Variants in NFIB observed in about 807,000 individuals in gnomAD.
NFIB encodes the protein nuclear factor 1 B-type.
NFIB carries 11 observed loss-of-function variants against 61.5 expected under a neutral mutation model. The observed-to-expected ratio is 0.18, with a 90% CI of 0.11 to 0.30. The LOEUF is 0.30. Ranked by LOEUF, NFIB falls within the 10% of genes least tolerant of loss-of-function variation. The pLI is 1.00. For missense variants in NFIB, 471 were observed against 608.9 expected (o/e 0.77, Z 2.38); for synonymous variants, 260 against 216.5 (o/e 1.20, Z -1.76).
intron 10 of NFIB, among the ~76,000 whole-genome samples, chr9:14,094,981 T>C (rs1392760180): frequency 6.6e-6 from 1 of 152,102 alleles, no homozygotes; most frequent in African/African-American, 2.4e-5. Context: ...GCATCTACCA[T>C]TGAAATATTT....
the NFIB span, among the ~76,000 whole-genome samples, chr9:14,489,978 G>A: frequency 3.3e-5 from 5 of 152,180 alleles, no homozygotes; most frequent in African/African-American, 1.2e-4. Flanking sequence ...CTCAAACAAT[G>A]CTAAAATGAA....
chr9:14,263,012 T>A (rs2056907766), intron 2 of NFIB, among the ~76,000 whole-genome samples: 2 of 152,160 alleles, frequency 1.3e-5, no homozygotes, highest in African/African-American at 2.4e-5. Context: ...TGTGAAACAC[T>A]AGGGGTGCAG....
At position 14,287,720 on chromosome 9, in the gene NFIB, C is replaced by G. The variant is rs539300853; in HGVS notation, c.562+19269G>C. Among the ~76,000 whole-genome samples, 37 of 152,060 alleles carry G rather than the reference C, an allele frequency of 2.4e-4. No individual in the cohort carries two copies. The South Asian group carries it at 7.3e-3, about 30-fold the overall frequency. On this transcript the variant is annotated intron_variant, in intron 2 of 10. Coordinates refer to ENST00000380953, the MANE Select transcript of NFIB (RefSeq NM_001190737.2). ...CAGGCATGAGCCACTGCGCCCGGCC[C>G]ACAGTTTTCATTTTACACTTTTTTC...
chr9:14,352,167 G>A (rs546466222), intron 1 of NFIB, among the ~76,000 whole-genome samples: 5 of 152,100 alleles, frequency 3.3e-5, no homozygotes, highest in South Asian at 2.1e-4. Context: ...GAACACATGC[G>A]TAAATCCAGA....
chr9:14,333,876 A>C (rs2060851078), intron 1 of NFIB, among the ~76,000 whole-genome samples: 1 of 152,216 alleles, frequency 6.6e-6, no homozygotes, highest in Admixed American at 6.5e-5. Flanking sequence ...TACTAGCCCT[A>C]ATATTCTTCC....
At chr9:14,141,902 CAAAAAAA>C (rs1207435536) in intron 6 of NFIB, among the ~76,000 whole-genome samples, 1 of 53,608 alleles carries the variant, frequency 1.9e-5, no homozygotes, top group Non-Finnish European at 3.7e-5. Flanking sequence ...CTGCTGCTCA[CAAAAAAA>C]AAAAAAAAAA....
chr9:14,500,528 C>G, the NFIB span, among the ~76,000 whole-genome samples: 1 of 152,140 alleles, frequency 6.6e-6, no homozygotes, highest in Non-Finnish European at 1.5e-5. Context: ...CTTTTACACC[C>G]TCTTATAAAG....
At chr9:14,457,997 A>G in the NFIB span, among the ~76,000 whole-genome samples, 1 of 152,170 alleles carries the variant, frequency 6.6e-6, no homozygotes, top group East Asian at 1.9e-4. Flanking sequence ...AAAAGAGGGA[A>G]TCCTCCCTAA....
At chr9:14,221,406 A>G (rs2051658272) in intron 2 of NFIB, among the ~76,000 whole-genome samples, 1 of 152,218 alleles carries the variant, frequency 6.6e-6, no homozygotes, top group South Asian at 2.1e-4. Flanking sequence ...ATACGCAGCT[A>G]GATTTAAGCC....
At chr9:14,303,224 C>T (rs1588230527) in intron 2 of NFIB, among the ~76,000 whole-genome samples, 1 of 152,248 alleles carries the variant, frequency 6.6e-6, no homozygotes, top group East Asian at 1.9e-4. Flanking sequence ...AGCAAATAAG[C>T]AGTGATGTGA....
Position 14,082,008 on chromosome 9 carries a change from G to A in NFIB, c.*6301C>T, listed in dbSNP as rs2032013149. On this transcript the variant is annotated 3_prime_UTR_variant, in exon 11 of 11. Coordinates refer to ENST00000380953, the MANE Select transcript of NFIB (RefSeq NM_001190737.2). ...CTTGATTTACACCAGTTTAAAACTT[G>A]TGGCAATTGAGTTCATTTGCAACCC... is the stretch of plus-strand genomic sequence containing the variant. The A allele has an allele frequency of 9.5e-6, 2 of 211,394 alleles. No individual in the cohort carries two copies. Among genetic ancestry groups the A allele is most frequent in the Non-Finnish European group, 1.9e-5 (2 of 103,966 alleles). The allele number at this position is 211,394 out of a possible 1,614,324, so 13.1% of individuals were successfully genotyped here. A position where few individuals can be genotyped will look rare whatever the true frequency, so the allele number is the denominator to read the frequency against.
chr9:14,408,558 G>A, the NFIB span, among the ~76,000 whole-genome samples: 1 of 152,182 alleles, frequency 6.6e-6, no homozygotes, highest in South Asian at 2.1e-4. Flanking sequence ...ATTAATTTCT[G>A]GATGTGATTA....
intron 1 of NFIB, among the ~76,000 whole-genome samples, chr9:14,395,589 A>C (rs1277431674): frequency 6.6e-6 from 1 of 151,940 alleles, no homozygotes; most frequent in Non-Finnish European, 1.5e-5. Flanking sequence ...GCCGGCCCCG[A>C]TCTGTATGCA....
the NFIB span, among the ~76,000 whole-genome samples, chr9:14,481,755 C>A: frequency 6.6e-6 from 1 of 152,158 alleles, no homozygotes; most frequent in Non-Finnish European, 1.5e-5. Flanking sequence ...AATGTTAGAA[C>A]TGGGCAGGAA....
chr9:14,097,875 C>CTTTTTTTTTTTTT lies in NFIB; in HGVS notation c.1468-9562_1468-9550dup, dbSNP rs71321962. Among the ~76,000 whole-genome samples the CTTTTTTTTTTTTT allele has an allele frequency of 3.1e-3, 340 of 110,864 alleles. 3 individuals carry two copies. Among genetic ancestry groups the CTTTTTTTTTTTTT allele is most frequent in the Middle Eastern group, 0.011 (2 of 190 alleles). The allele number at this position is 110,864 out of a possible 152,430, so 72.7% of individuals were successfully genotyped here. On this transcript the variant is annotated intron_variant, in intron 10 of 10. Transcript: ENST00000380953. ...CTTTTTTTTTCTTTCTTTCTTTTTT[C>CTTTTTTTTTTTTT]TTTTTTTTTTTTTTTTTTGCCCTCC...
Position 14,367,079 on chromosome 9 carries a change from T to A in NFIB, c.108+31445A>T, listed in dbSNP as rs2061309063. Among the ~76,000 whole-genome samples, 8 of 152,294 alleles carry A rather than the reference T, an allele frequency of 5.3e-5. No homozygotes were observed. The South Asian group carries it at 1.7e-3, about 32-fold the overall frequency. On this transcript the variant is annotated intron_variant, in intron 1 of 8. Coordinates refer to the NFIB transcript ENST00000380934. ...TCCACTAACCCTGAGTTGATGACCA[T>A]GATAATGACATTGGATTCAATTCTA...
the NFIB span, among the ~76,000 whole-genome samples, chr9:14,521,963 T>C: frequency 6.6e-6 from 1 of 152,206 alleles, no homozygotes; most frequent in African/African-American, 2.4e-5. Context: ...GAATTCCCTA[T>C]GAAAGTTTAG....
At chr9:14,417,849 C>T in the NFIB span, among the ~76,000 whole-genome samples, 2 of 134,894 alleles carry the variant, frequency 1.5e-5, no homozygotes, top group African/African-American at 5.5e-5. Flanking sequence ...GGTGCGATCT[C>T]GGCTCACTGC....
intron 2 of NFIB, among the ~76,000 whole-genome samples, chr9:14,252,429 T>C (rs998301831): frequency 6.6e-6 from 1 of 152,182 alleles, no homozygotes; most frequent in African/African-American, 2.4e-5. Flanking sequence ...TTTATAGTTT[T>C]TCATCCTTTC....
Sources: allele counts gnomAD v4.1 joint callset (sites outside exome capture counted in the v4.1 genomes callset), GRCh38; gene constraint gnomAD v4.1.1; transcripts MANE v1.5; gene names NCBI Gene and HGNC (gene_info 2026-07-23, HGNC 2026-07-21).